Variants in PLA2G4E observed in about 807,000 individuals in gnomAD.
The protein encoded by PLA2G4E is phospholipase A2 group IVE.
PLA2G4E carries 84 observed loss-of-function variants against 109.1 expected under a neutral mutation model. The observed-to-expected ratio is 0.77, with a 90% CI of 0.65 to 0.92. The LOEUF (loss-of-function observed/expected upper bound fraction) is 0.92, where lower values mean the gene tolerates loss of function less well. Among genes scored for constraint, PLA2G4E ranks in the 40% least tolerant of loss-of-function variants. PLA2G4E has a pLI of 0.00. For missense variants in PLA2G4E, 1,057 were observed against 1,076.6 expected (o/e 0.98, Z 0.25); for synonymous variants, 469 against 436.1 (o/e 1.08, Z -0.94).
At position 42,004,979 on chromosome 15, in the gene PLA2G4E, CT is replaced by C. The variant is rs752599833; in HGVS notation, c.526-2del. ...ACTCCACCTCCAGCTCTTCCATGCCCTGGTAGGGGAGGGAGGGAAGGCAGCT... is the reference window on the plus strand; with the variant it reads ...ACTCCACCTCCAGCTCTTCCATGCCCGGTAGGGGAGGGAGGGAAGGCAGCT... On this transcript the variant is annotated splice_acceptor_variant, in intron 4 of 19. Transcript: ENST00000399518. LOFTEE classifies it high-confidence loss of function. 4 of 1,612,878 alleles carry C rather than the reference CT, an allele frequency of 2.5e-6. No homozygotes were observed. In the Admixed American group the frequency reaches 5.0e-5, roughly 20 times the overall value.
At chr15:41,986,819 C>G (rs2068149231) in intron 17 of PLA2G4E, 1 of 307,224 alleles carries the variant, frequency 3.3e-6, no homozygotes, top group Non-Finnish European at 6.2e-6. Flanking sequence ...CTGTGCCTGG[C>G]ACCACTCACA....
At chr15:41,999,622 A>C in intron 9 of PLA2G4E, 61 bp from the exon 10 acceptor site, 3 of 1,588,014 alleles carry the variant, frequency 1.9e-6, no homozygotes, top group Non-Finnish European at 2.6e-6. Context: ...GTGATCCCAG[A>C]TCCACACTGT....
intron 1 of PLA2G4E, among the ~76,000 whole-genome samples, chr15:42,021,357 TA>T (rs1373192170): frequency 6.6e-6 from 1 of 151,914 alleles, no homozygotes; most frequent in Non-Finnish European, 1.5e-5. Flanking sequence ...TAGCCCGCCA[TA>T]ATTTGGGAAA....
At chr15:42,030,996 G>A (rs1454992652) in intron 1 of PLA2G4E, among the ~76,000 whole-genome samples, 1 of 152,136 alleles carries the variant, frequency 6.6e-6, no homozygotes, top group African/African-American at 2.4e-5. Flanking sequence ...GAGACAGAGT[G>A]TTGTTCTGTT....
chr15:42,005,846 G>T (rs2068470019), intron 4 of PLA2G4E, 144 bp downstream of exon 4: 8 of 1,002,750 alleles, frequency 8.0e-6, no homozygotes, highest in Non-Finnish European at 1.1e-5. Flanking sequence ...GAGTGACAGT[G>T]CTGGGATTTA....
intron 7 of PLA2G4E, 39 bp downstream of exon 7, chr15:42,001,118 C>A (rs750318861): frequency 1.3e-6 from 2 of 1,573,486 alleles, no homozygotes; most frequent in Non-Finnish European, 1.7e-6. Flanking sequence ...AGCAGCTCCC[C>A]CTTGTCCCCC....
At chr15:41,999,406 A>G in intron 10 of PLA2G4E, 118 bp downstream of exon 10, 1 of 734,946 alleles carries the variant, frequency 1.4e-6, no homozygotes, top group Non-Finnish European at 2.4e-6. Context: ...CAGCCCATGG[A>G]AAGATGTTCA....
intron 19 of PLA2G4E, 55 bp downstream of exon 19, chr15:41,984,381 G>A: frequency 3.3e-6 from 5 of 1,527,222 alleles, no homozygotes; most frequent in African/African-American, 1.4e-5. Flanking sequence ...AGATCTAAAG[G>A]CATTCCCGGG....
chr15:42,044,634 T>G (rs1324199544), intron 1 of PLA2G4E, among the ~76,000 whole-genome samples: 5 of 38,282 alleles, frequency 1.3e-4, no homozygotes, highest in Admixed American at 3.9e-4. Context: ...GGGCCTGTTG[T>G]GGGATGGGGG....
intron 6 of PLA2G4E, among the ~76,000 whole-genome samples, chr15:42,001,501 T>C (rs1421429313): frequency 6.6e-6 from 1 of 152,186 alleles, no homozygotes; most frequent in Non-Finnish European, 1.5e-5. Context: ...GTCGGGAATC[T>C]GACCTGAGGG....
At chr15:42,012,775 G>A (rs1344337069) in intron 2 of PLA2G4E, among the ~76,000 whole-genome samples, 1 of 152,192 alleles carries the variant, frequency 6.6e-6, no homozygotes, top group Non-Finnish European at 1.5e-5. Flanking sequence ...TCAGGGCTCT[G>A]TGTCTTCTCT....
chr15:42,003,290 G>A (rs554375015), intron 5 of PLA2G4E, among the ~76,000 whole-genome samples: 13 of 152,284 alleles, frequency 8.5e-5, no homozygotes, highest in East Asian at 1.9e-4. Flanking sequence ...AAGGAGTCTC[G>A]CTCTGTCGCC....
At position 41,989,459 on chromosome 15, in the gene PLA2G4E, C is replaced by T. The variant is rs202115479; in HGVS notation, c.1679G>A (p.Arg560Gln). The change falls in exon 15 of 20, where the codon CGG becomes CAG. Residue 560 changes from arginine to glutamine, a missense_variant. Coordinates refer to ENST00000399518, the Ensembl canonical transcript of PLA2G4E. ...AGACTCCGGGATCCTCTTCACCAGC[C>T]GCCCCATGAAGAACTCGGAGCCGAA... 4.9e-4 allele frequency: 787 copies of T among 1,614,006 alleles called. 8 individuals are homozygous for T. The highest frequency in any genetic ancestry group is 1.6e-3 in the South Asian group (144 of 91,080).
At chr15:42,008,324 T>C (rs1242799487) in intron 2 of PLA2G4E, among the ~76,000 whole-genome samples, 4 of 152,334 alleles carry the variant, frequency 2.6e-5, no homozygotes, top group Middle Eastern at 3.4e-3. Context: ...AACACTCTGC[T>C]GTGAGTCGGC....
At chr15:42,008,243 C>T (rs1203326261) in intron 2 of PLA2G4E, among the ~76,000 whole-genome samples, 1 of 152,228 alleles carries the variant, frequency 6.6e-6, no homozygotes, top group Non-Finnish European at 1.5e-5. Flanking sequence ...TTGTCTTAGC[C>T]CAGGGGACCA....
intron 1 of PLA2G4E, among the ~76,000 whole-genome samples, chr15:42,036,869 AC>A (rs1442474773): frequency 6.6e-6 from 1 of 151,214 alleles, no homozygotes; most frequent in East Asian, 2.0e-4. Context: ...AGTCCCCCCG[AC>A]CCCCCGGCCT....
At chr15:42,024,453 G>A (rs1408324349) in intron 1 of PLA2G4E, among the ~76,000 whole-genome samples, 4 of 152,184 alleles carry the variant, frequency 2.6e-5, no homozygotes, top group African/African-American at 9.6e-5. Flanking sequence ...TCCGACTCCA[G>A]GCCTGTCGCC....
intron 2 of PLA2G4E, 27 bp downstream of exon 2, chr15:42,013,658 A>AGG (rs869049570): frequency 1.9e-5 from 24 of 1,269,242 alleles, no homozygotes; most frequent in African/African-American, 6.7e-5. Flanking sequence ...GTAAGCAGAG[A>AGG]AGGAGAGAAG....
At chr15:42,013,122 G>A (rs1284950618) in intron 2 of PLA2G4E, among the ~76,000 whole-genome samples, 1 of 152,204 alleles carries the variant, frequency 6.6e-6, no homozygotes. Context: ...TGCACAAACA[G>A]TGCTGCTAAG....
Sources: allele counts gnomAD v4.1 joint callset (sites outside exome capture counted in the v4.1 genomes callset), GRCh38; gene constraint gnomAD v4.1.1; transcripts MANE v1.5; gene names NCBI Gene and HGNC (gene_info 2026-07-23, HGNC 2026-07-21).